Variants in MBD5 observed in about 807,000 individuals in gnomAD.
MBD5 encodes the protein methyl-CpG-binding domain protein 5.
In MBD5, 13 loss-of-function variants were observed where a neutral mutation model predicts 117.3. The observed-to-expected ratio is 0.11, with a 90% confidence interval of 0.07 to 0.18. MBD5 has a LOEUF of 0.18. MBD5 is among the 10% of genes least tolerant of loss of function. MBD5 has a pLI of 1.00. For missense variants in MBD5, 1,879 were observed against 2,093.8 expected (o/e 0.90, Z 2.00); for synonymous variants, 727 against 766.4 (o/e 0.95, Z 0.85).
chr2:148,487,991 A>C (rs1322498389), intron 10 of MBD5, among the ~76,000 whole-genome samples: 2 of 152,240 alleles, frequency 1.3e-5, no homozygotes, highest in Non-Finnish European at 2.9e-5. Flanking sequence ...CATGTGCTAT[A>C]GGAAAGACCC....
chr2:148,413,381 A>T, intron 4 of MBD5, among the ~76,000 whole-genome samples: 1 of 151,712 alleles, frequency 6.6e-6, no homozygotes, highest in African/African-American at 2.4e-5. Context: ...TTTGTTGAGG[A>T]TTTTTGCATT....
intron 1 of MBD5, among the ~76,000 whole-genome samples, chr2:148,095,494 T>G (rs914065103): frequency 2.0e-5 from 3 of 152,154 alleles, no homozygotes; most frequent in Non-Finnish European, 4.4e-5. Flanking sequence ...TATGATTTAC[T>G]TAGTACCAAA....
chr2:148,051,221 G>A (rs1694690039), intron 1 of MBD5, among the ~76,000 whole-genome samples: 1 of 151,904 alleles, frequency 6.6e-6, no homozygotes, highest in Non-Finnish European at 1.5e-5. Flanking sequence ...TTTTTGGTTT[G>A]TTCATTGCTA....
intron 3 of MBD5, among the ~76,000 whole-genome samples, chr2:148,339,176 G>A (rs1559030147): frequency 1.3e-5 from 2 of 152,158 alleles, no homozygotes; most frequent in Non-Finnish European, 2.9e-5. Flanking sequence ...CATTCTGAAG[G>A]CAGAGGTGCT....
At chr2:148,284,809 T>G (rs75829576) in intron 3 of MBD5, among the ~76,000 whole-genome samples, 1 of 152,222 alleles carries the variant, frequency 6.6e-6, no homozygotes, top group South Asian at 2.1e-4. Context: ...AATATATACA[T>G]AGATTTGTGT....
chr2:148,176,407 CTTT>C (rs1195471654), intron 1 of MBD5, among the ~76,000 whole-genome samples: 1 of 128,874 alleles, frequency 7.8e-6, no homozygotes, highest in Non-Finnish European at 1.6e-5. Flanking sequence ...AATTTTCTTG[CTTT>C]TTTTTTTTTT....
intron 3 of MBD5, among the ~76,000 whole-genome samples, chr2:148,259,949 A>C (rs1202832891): frequency 1.3e-5 from 2 of 152,150 alleles, no homozygotes; most frequent in African/African-American, 4.8e-5. Context: ...GCTAATGATC[A>C]CCTGAGCCTT....
At chr2:148,145,269 G>C (rs1215653575) in intron 1 of MBD5, among the ~76,000 whole-genome samples, 1 of 152,132 alleles carries the variant, frequency 6.6e-6, no homozygotes, top group Non-Finnish European at 1.5e-5. Context: ...TGCTTTATAG[G>C]AATGCTTGTG....
intron 2 of MBD5, among the ~76,000 whole-genome samples, chr2:148,229,206 G>C (rs1363633556): frequency 2.0e-5 from 3 of 149,082 alleles, no homozygotes; most frequent in African/African-American, 4.9e-5. Context: ...TCTTTTCTGT[G>C]TATTTTCAAA....
intron 4 of MBD5, among the ~76,000 whole-genome samples, chr2:148,453,776 A>G (rs892781241): frequency 6.6e-6 from 1 of 152,012 alleles, no homozygotes; most frequent in Non-Finnish European, 1.5e-5. Flanking sequence ...ATGAGTCTAT[A>G]TAGAAGGTGA....
chr2:148,055,427 T>TC (rs1017797846), intron 1 of MBD5: 41 of 151,210 alleles, frequency 2.7e-4, no homozygotes, highest in African/African-American at 9.7e-4. Flanking sequence ...TCTTTTTTTT[T>TC]TTTTTCTTTT....
intron 4 of MBD5, among the ~76,000 whole-genome samples, chr2:148,363,712 T>C (rs541693420): frequency 2.8e-4 from 43 of 152,094 alleles, no homozygotes; most frequent in Non-Finnish European, 4.4e-4. Flanking sequence ...CAAGTATCAA[T>C]AGCTGAATCA....
At position 148,144,001 on chromosome 2, in the gene MBD5, A is replaced by G. The variant is rs916243812; in HGVS notation, c.-924-34699A>G. Among the ~76,000 whole-genome samples, 22 of 152,268 alleles carry G rather than the reference A, an allele frequency of 1.4e-4. No individual in the cohort carries two copies. In the East Asian group the frequency reaches 3.7e-3, roughly 25 times the overall value. The stretch of plus-strand genomic sequence containing the variant: ...GATGGCTGGGTCAAATGGTATTTCT[A>G]GTTCTAGATCCTTGAGGAATCGCTA... On this transcript the variant is annotated intron_variant, in intron 1 of 13. Transcript: ENST00000642680.
intron 1 of MBD5, among the ~76,000 whole-genome samples, chr2:148,118,435 A>AAAAT (rs1021339753): frequency 1.3e-3 from 194 of 148,568 alleles, no homozygotes; most frequent in African/African-American, 4.5e-3. Flanking sequence ...CATAAAAAAA[A>AAAAT]ATATATATAT....
intron 1 of MBD5, among the ~76,000 whole-genome samples, chr2:148,144,398 G>A (rs1558944223): frequency 6.6e-6 from 1 of 152,080 alleles, no homozygotes; most frequent in Non-Finnish European, 1.5e-5. Context: ...TCTGTAGGTT[G>A]CCTGTTCACT....
At chr2:148,429,234 CAT>C (rs1427622341) in intron 4 of MBD5, among the ~76,000 whole-genome samples, 1 of 151,980 alleles carries the variant, frequency 6.6e-6, no homozygotes, top group Admixed American at 6.6e-5. Flanking sequence ...AGCCAACAAA[CAT>C]ATGAAAAAAA....
chr2:148,395,444 TC>T (rs1472646367), intron 4 of MBD5, among the ~76,000 whole-genome samples: 1 of 149,826 alleles, frequency 6.7e-6, no homozygotes, highest in Non-Finnish European at 1.5e-5. Flanking sequence ...TTTTTTTTTT[TC>T]ACAGAGTCTC....
At chr2:148,206,616 G>A (rs6430302) in intron 2 of MBD5, among the ~76,000 whole-genome samples, 144,375 of 152,212 alleles carry the variant, frequency 0.95, 68,955 homozygotes, top group East Asian at 1. Context: ...CCTCCCCACT[G>A]CCTTCCCAAC....
chr2:148,296,102 G>A (rs561944995), intron 3 of MBD5: 23 of 184,558 alleles, frequency 1.2e-4, no homozygotes, highest in Non-Finnish European at 1.3e-4. Context: ...AGTTTCACAA[G>A]TAATACATCT....
Sources: gnomAD v4.1 joint callset for allele counts (sites outside exome capture counted in the v4.1 genomes callset) on GRCh38, gnomAD v4.1.1 for gene constraint, MANE v1.5 for transcripts, NCBI Gene and HGNC (gene_info 2026-07-23, HGNC 2026-07-21) for gene names.